The following EYS variants were observed in gnomAD, a reference collection of about 807,000 sequenced individuals.
EYS encodes the protein EGF-like photoreceptor maintenance factor, also known as protein eyes shut homolog.
Under a neutral mutation model 282.1 loss-of-function variants are expected in EYS, and 250 were observed. That is an observed-to-expected ratio of 0.89 (90% CI 0.80 to 0.98). EYS has a LOEUF of 0.98. Ranked by LOEUF, EYS falls within the 50% of genes least tolerant of loss-of-function variation. The probability of loss-of-function intolerance (pLI) is 0.00; values close to 1 mark genes in which losing one functional copy is unlikely to be tolerated. For missense variants in EYS, 4,016 were observed against 3,709.0 expected, an observed-to-expected ratio of 1.08 and a Z score of -2.15; for synonymous variants, 1,355 against 1,282.9, an observed-to-expected ratio of 1.06 and a Z score of -1.20.
Position 65,237,095 on chromosome 6 carries a change from C to T in EYS, c.2023+58768G>A, listed in dbSNP as rs151158159. On this transcript the variant is annotated intron_variant, in intron 12 of 42. Coordinates refer to ENST00000503581, the MANE Select transcript of EYS (RefSeq NM_001142800.2). The stretch of plus-strand genomic sequence containing the variant: ...ACAAAATGAAAATCTAAAATATAAG[C>T]ACATAATAGAGAACTGGGTAAACCT... 1.6e-3 allele frequency among the ~76,000 whole-genome samples: 245 copies of T among 152,192 alleles called. 2 individuals are homozygous for T. The highest frequency in any genetic ancestry group is 5.4e-3 in the African/African-American group (225 of 41,520).
chr6:64,580,668 A>G (rs1766032981), intron 26 of EYS, among the ~76,000 whole-genome samples: 1 of 152,210 alleles, frequency 6.6e-6, no homozygotes, highest in African/African-American at 2.4e-5. Flanking sequence ...ATTTTAAAAT[A>G]GAGGAAAGAA....
intron 12 of EYS, among the ~76,000 whole-genome samples, chr6:65,092,235 A>T (rs950291743): frequency 6.6e-6 from 1 of 152,160 alleles, no homozygotes; most frequent in African/African-American, 2.4e-5. Context: ...TTCATGTAAA[A>T]TTTTTAGTAC....
chr6:65,029,735 G>A (rs1412076865), intron 13 of EYS, among the ~76,000 whole-genome samples: 1 of 152,160 alleles, frequency 6.6e-6, no homozygotes, highest in Non-Finnish European at 1.5e-5. Context: ...CTCCCAGCAA[G>A]AGACCAGACT....
intron 29 of EYS, among the ~76,000 whole-genome samples, chr6:64,338,613 A>G (rs1230725141): frequency 1.3e-5 from 2 of 151,758 alleles, no homozygotes; most frequent in Non-Finnish European, 2.9e-5. Flanking sequence ...ACCATCACTT[A>G]ACATAATTTG....
intron 6 of EYS, among the ~76,000 whole-genome samples, chr6:65,404,032 A>G (rs549787620): frequency 3.3e-4 from 50 of 152,210 alleles, no homozygotes; most frequent in African/African-American, 1.2e-3. Context: ...CAGAGGTCAT[A>G]AGTCTGAAAA....
At chr6:65,284,197 G>A (rs1158448433) in intron 12 of EYS, among the ~76,000 whole-genome samples, 6 of 152,104 alleles carry the variant, frequency 3.9e-5, no homozygotes, top group African/African-American at 1.4e-4. Flanking sequence ...ACAAACTTTG[G>A]GGAAGCTAAT....
At chr6:65,416,156 C>A (rs756962961) in intron 5 of EYS, among the ~76,000 whole-genome samples, 2 of 151,888 alleles carry the variant, frequency 1.3e-5, no homozygotes, top group East Asian at 1.9e-4. Flanking sequence ...GAAAAACCAA[C>A]AGAATTTGGA....
chr6:65,033,783 T>G (rs1772680611), intron 13 of EYS, among the ~76,000 whole-genome samples: 1 of 152,132 alleles, frequency 6.6e-6, no homozygotes, highest in Non-Finnish European at 1.5e-5. Context: ...GGTTGGAGCC[T>G]TCACACAGAG....
chr6:64,797,425 C>A (rs969225309), intron 22 of EYS, among the ~76,000 whole-genome samples: 1 of 151,944 alleles, frequency 6.6e-6, no homozygotes, highest in Non-Finnish European at 1.5e-5. Flanking sequence ...TGGACCCATA[C>A]GTTTGAAATT....
chr6:64,337,390 T>A (rs1210529262), intron 29 of EYS, among the ~76,000 whole-genome samples: 2 of 151,926 alleles, frequency 1.3e-5, no homozygotes, highest in Non-Finnish European at 2.9e-5. Flanking sequence ...AAGAGATGAA[T>A]AAATTCCTGG....
At chr6:65,501,025 T>C (rs1438117705) in intron 2 of EYS, among the ~76,000 whole-genome samples, 3 of 152,000 alleles carry the variant, frequency 2.0e-5, no homozygotes, top group African/African-American at 7.2e-5. Flanking sequence ...TTAAATTTAA[T>C]ATGTCAGTAT....
At chr6:64,819,893 A>G (rs9363262) in intron 21 of EYS, among the ~76,000 whole-genome samples, 67,337 of 151,818 alleles carry the variant, frequency 0.44, 15,722 homozygotes, top group East Asian at 0.81. Context: ...AAGTAAAAGA[A>G]CTATAAGTAG....
At chr6:64,389,830 T>C (rs601768) in intron 28 of EYS, among the ~76,000 whole-genome samples, 109,644 of 151,866 alleles carry the variant, frequency 0.72, 39,699 homozygotes, top group African/African-American at 0.79. Flanking sequence ...ACGCAGAAGA[T>C]GGGTGATTTC....
chr6:65,032,976 G>A (rs1194263236), intron 13 of EYS, among the ~76,000 whole-genome samples: 3 of 152,128 alleles, frequency 2.0e-5, no homozygotes, highest in African/African-American at 4.8e-5. Context: ...TGGAAATGAC[G>A]AACTTATTGA....
intron 31 of EYS, among the ~76,000 whole-genome samples, chr6:64,202,521 C>A (rs1181879208): frequency 1.3e-5 from 2 of 152,044 alleles, no homozygotes; most frequent in Non-Finnish European, 2.9e-5. Context: ...ATTCTTCATT[C>A]AAGTGTGAAA....
intron 22 of EYS, among the ~76,000 whole-genome samples, chr6:64,752,335 G>GA (rs1772785232): frequency 1.3e-5 from 2 of 151,880 alleles, no homozygotes; most frequent in Admixed American, 6.6e-5. Context: ...ACTTTTAGAG[G>GA]AAAAAATTAT....
At chr6:63,918,294 A>G (rs1442650283) in intron 35 of EYS, among the ~76,000 whole-genome samples, 1 of 152,208 alleles carries the variant, frequency 6.6e-6, no homozygotes, top group Non-Finnish European at 1.5e-5. Flanking sequence ...TTACTACATT[A>G]AAGAAAAATA....
In EYS at chr6:64,411,051, T is replaced by C. The variant is rs184808121; in HGVS notation, c.5928-22211A>G. 9.2e-4 allele frequency among the ~76,000 whole-genome samples: 140 copies of C among 152,234 alleles called. 2 individuals carry two copies. The South Asian group carries it at 0.013, about 15-fold the overall frequency. ...TTTAGAAGCTCAAGATGAATGATTT[T>C]ACACATTACAAAGTGTATGTGTGGG... On this transcript the variant is annotated intron_variant, in intron 28 of 42. Transcript: ENST00000503581.
chr6:65,225,237 A>G (rs1483118448), intron 12 of EYS, among the ~76,000 whole-genome samples: 2 of 150,450 alleles, frequency 1.3e-5, no homozygotes, highest in Non-Finnish European at 3.0e-5. Flanking sequence ...AAGTCTAAAA[A>G]CTTTTACAAG....
Sources: gnomAD v4.1 joint callset for allele counts (sites outside exome capture counted in the v4.1 genomes callset) on GRCh38, gnomAD v4.1.1 for gene constraint, MANE v1.5 for transcripts, NCBI Gene and HGNC (gene_info 2026-07-23, HGNC 2026-07-21) for gene names.